The following CPSF2 variants were observed in gnomAD, a reference collection of about 807,000 sequenced individuals.
CPSF2 encodes cleavage and polyadenylation specific factor 2, also known as cleavage and polyadenylation specificity factor subunit 2.
In CPSF2, 51 loss-of-function variants were observed where a neutral mutation model predicts 84.2. The observed-to-expected ratio is 0.61, with a 90% CI of 0.48 to 0.77. The LOEUF (loss-of-function observed/expected upper bound fraction) is 0.77. Among genes scored for constraint, CPSF2 ranks in the 30% least tolerant of loss-of-function variants. CPSF2 has a pLI of 0.00. For missense variants in CPSF2, 641 were observed against 929.4 expected (o/e 0.69, Z 4.03); for synonymous variants, 286 against 311.9 (o/e 0.92, Z 0.87).
At chr14:92,123,812 T>C (rs764580408) in intron 1 of CPSF2, among the ~76,000 whole-genome samples, 2 of 152,260 alleles carry the variant, frequency 1.3e-5, no homozygotes, top group African/African-American at 2.4e-5. Context: ...CTTCATTCCT[T>C]CTTGCAGTAC....
chr14:92,163,242 ATG>A lies in CPSF2; in HGVS notation c.*1503_*1504del, dbSNP rs1414128768. On this transcript the variant is annotated 3_prime_UTR_variant, in exon 16 of 16. Transcript: ENST00000298875. ...TTGGAAGGATCGATCTTATTTAACT[ATG>A]TGTGGAACAACCCAGTAATATCAGA... The A allele has an allele frequency of 6.6e-6, 1 of 152,154 alleles. No homozygotes were observed. Among genetic ancestry groups the A allele is most frequent in the Admixed American group, 6.6e-5 (1 of 15,246 alleles). The allele number at this position is 152,154 out of a possible 1,614,324, so 9.4% of individuals were successfully genotyped here.
intron 2 of CPSF2, 63 bp from the exon 3 acceptor site, chr14:92,130,884 CAATT>C: frequency 1.1e-6 from 1 of 944,028 alleles, no homozygotes; most frequent in Non-Finnish European, 1.5e-6. Context: ...TAATTTTAAT[CAATT>C]TGTTTATTAT....
Position 92,153,744 on chromosome 14 carries a change from C to A in CPSF2, c.1141-614C>A, listed in dbSNP as rs145106804. Among the ~76,000 whole-genome samples the A allele has an allele frequency of 2.4e-3, 362 of 148,588 alleles. 4 individuals carry two copies. The highest frequency in any genetic ancestry group is 8.5e-3 in the African/African-American group (339 of 40,112). ...TCTGAGACAGAGTATTGCTTTGTCACCCAGGCTGGAGTACAGTGGTGTGAG... is the reference window on the plus strand; with the variant it reads ...TCTGAGACAGAGTATTGCTTTGTCAACCAGGCTGGAGTACAGTGGTGTGAG... On this transcript the variant is annotated intron_variant, in intron 9 of 15. Transcript: ENST00000298875.
In CPSF2 at chr14:92,134,297, G is replaced by T. The variant is rs371087877; in HGVS notation, c.357G>T (p.Val119=). Residue 119 remains valine (V), a synonymous_variant, in exon 5 of 16, where the codon GTG becomes GTT. Transcript: ENST00000298875. The part of the protein sequence containing the change: ...EDFTLFTLDD[V]DAAFDKIQQL... Reference sequence around the variant, plus strand: ...TTACACTCTTTACATTAGATGATGTGGATGCAGCCTTTGATAAAATACAGC... The same window carrying T: ...TTACACTCTTTACATTAGATGATGTTGATGCAGCCTTTGATAAAATACAGC... 1.2e-5 allele frequency: 19 copies of T among 1,613,566 alleles called. No individual in the cohort carries two copies. In the African/African-American group the frequency reaches 2.3e-4, roughly 19 times the overall value.
intron 6 of CPSF2, among the ~76,000 whole-genome samples, chr14:92,136,510 C>T (rs1350549427): frequency 6.6e-6 from 1 of 152,158 alleles, no homozygotes; most frequent in Non-Finnish European, 1.5e-5. Context: ...TGATTAGACA[C>T]ATCTGAAGCC....
intron 7 of CPSF2, among the ~76,000 whole-genome samples, chr14:92,140,434 CTTTT>C (rs35320936): frequency 5.7e-5 from 7 of 123,354 alleles, no homozygotes; most frequent in African/African-American, 1.2e-4. Flanking sequence ...ACCCCCATCT[CTTTT>C]TTTTTTTTTT....
At chr14:92,159,427 C>T (rs539025260) in intron 14 of CPSF2, 145 bp downstream of exon 14, 1 of 653,198 alleles carries the variant, frequency 1.5e-6, no homozygotes, top group Admixed American at 3.1e-5. Flanking sequence ...TATATGTCAG[C>T]TGGGGGCAGT....
rs2069462694 is a variant in CPSF2, at chr14:92,167,365, G to T, written c.*5621G>T. 1.3e-5 allele frequency: 2 copies of T among 152,100 alleles called. No individual in the cohort carries two copies. Among genetic ancestry groups the T allele is most frequent in the Admixed American group, 6.6e-5 (1 of 15,258 alleles). The allele number at this position is 152,100 out of a possible 1,614,324, so 9.4% of individuals were successfully genotyped here. On this transcript the variant is annotated 3_prime_UTR_variant, in exon 16 of 16. Transcript: ENST00000298875. ...AAAGCCCACTCATTTTTAATAGGAG[G>T]TAAAAAGCAGTTGACATTTATAACT... is the stretch of plus-strand genomic sequence containing the variant.
intron 2 of CPSF2, among the ~76,000 whole-genome samples, chr14:92,130,548 A>G (rs74074426): frequency 0.012 from 1,857 of 152,328 alleles, 40 homozygotes; most frequent in African/African-American, 0.042. Context: ...ATTATTTGAA[A>G]TACTTCAACA....
chr14:92,149,600 A>C (rs1253452205), intron 9 of CPSF2, among the ~76,000 whole-genome samples: 3 of 152,148 alleles, frequency 2.0e-5, no homozygotes, highest in Non-Finnish European at 4.4e-5. Context: ...AAAAAGAAAA[A>C]AAAGTCCTTG....
At chr14:92,129,164 A>C (rs959814476) in intron 2 of CPSF2, among the ~76,000 whole-genome samples, 11 of 152,190 alleles carry the variant, frequency 7.2e-5, no homozygotes, top group African/African-American at 2.4e-4. Context: ...TTAAAACAAC[A>C]ACAACAAAAA....
At chr14:92,129,577 G>GGA (rs976806085) in intron 2 of CPSF2, among the ~76,000 whole-genome samples, 1 of 152,102 alleles carries the variant, frequency 6.6e-6, no homozygotes, top group Non-Finnish European at 1.5e-5. Context: ...TAGTTAGCCA[G>GGA]GAAAAGCTCA....
At position 92,157,952 on chromosome 14, in the gene CPSF2, A is replaced by T; in HGVS notation, c.1821+68A>T. ...TTTGTTGCAGGTTAGGACAGATAAC[A>T]TTAGAAATACCGAGATGTGTGAGAC... On this transcript the variant is annotated intron_variant, in intron 13 of 15. Transcript: ENST00000298875. This position sits in a 1 kb window ranked among gnomAD's most constrained non-coding sequence, Gnocchi z 4.0. 1 of 1,086,262 alleles carries T rather than the reference A, an allele frequency of 9.2e-7. No homozygotes were observed. The allele number at this position is 1,086,262 out of a possible 1,614,324, so 67.3% of individuals were successfully genotyped here.
chr14:92,142,406 G>A (rs989845198), intron 8 of CPSF2, 55 bp downstream of exon 8: 58 of 1,342,484 alleles, frequency 4.3e-5, no homozygotes, highest in Admixed American at 9.3e-5. Flanking sequence ...TGGGTCTGTG[G>A]AAGTGGGCGT....
intron 3 of CPSF2, among the ~76,000 whole-genome samples, chr14:92,133,773 CT>C (rs2068965236): frequency 6.6e-6 from 1 of 152,068 alleles, no homozygotes; most frequent in Non-Finnish European, 1.5e-5. Context: ...GCCTTCTTTT[CT>C]GTTTAAAATG....
At chr14:92,150,255 C>T (rs2069196408) in intron 9 of CPSF2, among the ~76,000 whole-genome samples, 1 of 151,926 alleles carries the variant, frequency 6.6e-6, no homozygotes, top group Non-Finnish European at 1.5e-5. Flanking sequence ...GCTGGGACTA[C>T]AGGTGTGTGC....
intron 6 of CPSF2, 121 bp from the exon 7 acceptor site, chr14:92,138,111 A>G (rs1413248678): frequency 4.4e-6 from 2 of 452,946 alleles, no homozygotes; most frequent in African/African-American, 2.0e-5. Context: ...GAGCATGTCT[A>G]CTTTTATAGT....
chr14:92,159,533 G>A (rs1432698213), intron 14 of CPSF2, among the ~76,000 whole-genome samples: 2 of 152,096 alleles, frequency 1.3e-5, no homozygotes, highest in African/African-American at 4.8e-5. Context: ...GGGACACCCT[G>A]TCAGAAACCT....
At chr14:92,136,931 T>A (rs576917707) in intron 6 of CPSF2, among the ~76,000 whole-genome samples, 60 of 152,218 alleles carry the variant, frequency 3.9e-4, no homozygotes, top group African/African-American at 1.4e-3. Flanking sequence ...TGGAAAAGAC[T>A]TTGTAAGCAT....
Sources: allele counts gnomAD v4.1 joint callset (sites outside exome capture counted in the v4.1 genomes callset), GRCh38; gene constraint gnomAD v4.1.1; non-coding constraint Gnocchi (gnomAD v3.1); transcripts MANE v1.5; gene names NCBI Gene and HGNC (gene_info 2026-07-23, HGNC 2026-07-21).